The following PSPH variants were observed in gnomAD, a reference collection of about 807,000 sequenced individuals.
PSPH encodes the protein phosphoserine phosphatase.
In PSPH, 16 loss-of-function variants were observed where a neutral mutation model predicts 23.4. That is an observed-to-expected ratio of 0.68 (90% CI 0.46 to 1.04). PSPH has a LOEUF of 1.04. PSPH is among the 50% of genes least tolerant of loss of function. The pLI, the probability that PSPH is intolerant of heterozygous loss-of-function variation, is 0.00. For synonymous variants in PSPH, 68 were observed against 99.7 expected (o/e 0.68, Z 1.89); for missense variants, 223 against 273.7 (o/e 0.81, Z 1.31).
intron 1 of PSPH, among the ~76,000 whole-genome samples, chr7:56,043,479 C>T (rs962078837): frequency 6.6e-6 from 1 of 151,576 alleles, no homozygotes; most frequent in African/African-American, 2.4e-5. Flanking sequence ...AGAGTAAGAC[C>T]CCATATCTCT....
At chr7:56,025,362 C>T (rs941808115) in intron 3 of PSPH, among the ~76,000 whole-genome samples, 1 of 151,878 alleles carries the variant, frequency 6.6e-6, no homozygotes, top group Non-Finnish European at 1.5e-5. Flanking sequence ...ACTGCAACCT[C>T]TGCCTCCCTG....
rs1343015457 is a variant in PSPH, at chr7:56,032,042, C to T, written c.-133G>A. Reference sequence around the variant, plus strand: ...CCTCAAGAAAGACCTGTGGATTCTGCAAGAGCAAGAGCCTAGAAAGAGAGA... The same window carrying T: ...CCTCAAGAAAGACCTGTGGATTCTGTAAGAGCAAGAGCCTAGAAAGAGAGA... On this transcript the variant is annotated 5_prime_UTR_variant, in exon 3 of 8. Coordinates refer to ENST00000275605, the MANE Select transcript of PSPH (RefSeq NM_004577.4). 6.5e-6 allele frequency: 1 copy of T among 152,896 alleles called. No homozygotes were observed. Among genetic ancestry groups the T allele is most frequent in the Non-Finnish European group, 1.5e-5 (1 of 68,046 alleles). The allele number at this position is 152,896 out of a possible 1,614,324, so 9.5% of individuals were successfully genotyped here. A position where few individuals can be genotyped will look rare whatever the true frequency, so the allele number is the denominator to read the frequency against.
chr7:56,028,129 T>C (rs190483301), intron 3 of PSPH, among the ~76,000 whole-genome samples: 1 of 152,188 alleles, frequency 6.6e-6, no homozygotes, highest in African/African-American at 2.4e-5. Context: ...AGAACTGATT[T>C]ACACATCCCC....
intron 7 of PSPH, 32 bp from the exon 8 acceptor site, chr7:56,011,901 T>G: frequency 6.7e-7 from 1 of 1,499,922 alleles, no homozygotes; most frequent in East Asian, 2.4e-5. Flanking sequence ...AGAAATGATT[T>G]TTATTTTTAT....
At chr7:56,025,411 G>C (rs569146645) in intron 3 of PSPH, among the ~76,000 whole-genome samples, 5 of 151,812 alleles carry the variant, frequency 3.3e-5, no homozygotes, top group Admixed American at 2.0e-4. Flanking sequence ...AGGCAGGCAT[G>C]ATATCTGGCT....
chr7:56,037,524 T>C (rs1280565292), intron 1 of PSPH, among the ~76,000 whole-genome samples: 1 of 151,226 alleles, frequency 6.6e-6, no homozygotes, highest in Admixed American at 6.6e-5. Context: ...GCTCAAGCAA[T>C]CTTCCTGCCT....
chr7:56,020,653 G>A (rs960507633), intron 4 of PSPH, among the ~76,000 whole-genome samples: 41 of 151,842 alleles, frequency 2.7e-4, no homozygotes, highest in African/African-American at 9.4e-4. Flanking sequence ...ATGACATGGT[G>A]CATGACTGGG....
chr7:56,050,101 CT>C (rs540523927), intron 1 of PSPH, among the ~76,000 whole-genome samples: 63 of 152,222 alleles, frequency 4.1e-4, no homozygotes, highest in African/African-American at 1.4e-3. Context: ...GCCTATGGAA[CT>C]AATAACTAGT....
intron 3 of PSPH, among the ~76,000 whole-genome samples, chr7:56,029,639 T>C (rs1231878130): frequency 2.6e-5 from 4 of 152,156 alleles, no homozygotes; most frequent in African/African-American, 9.7e-5. Context: ...AGAAATGCTT[T>C]CCCAACTTCT....
chr7:56,050,160 T>C (rs1211872953), intron 1 of PSPH, among the ~76,000 whole-genome samples: 4 of 152,184 alleles, frequency 2.6e-5, no homozygotes, highest in Non-Finnish European at 5.9e-5. Context: ...GTTTTTGTGA[T>C]TCTCAAATAC....
At chr7:56,025,996 C>A (rs1369087316) in intron 3 of PSPH, among the ~76,000 whole-genome samples, 3 of 152,174 alleles carry the variant, frequency 2.0e-5, no homozygotes, top group African/African-American at 7.2e-5. Context: ...TACTTCTTCA[C>A]CGTGCAGATC....
chr7:56,036,688 C>A (rs959787008), intron 1 of PSPH, among the ~76,000 whole-genome samples: 23 of 152,198 alleles, frequency 1.5e-4, no homozygotes, highest in African/African-American at 5.5e-4. Flanking sequence ...CTGGAATCCA[C>A]CTCATACTCA....
chr7:56,048,499 C>T (rs1793547749), intron 1 of PSPH, among the ~76,000 whole-genome samples: 1 of 152,120 alleles, frequency 6.6e-6, no homozygotes, highest in Non-Finnish European at 1.5e-5. Flanking sequence ...AGATTCATGA[C>T]ATAATTAGCA....
At chr7:56,050,235 C>A (rs1246753621) in intron 1 of PSPH, among the ~76,000 whole-genome samples, 1 of 152,074 alleles carries the variant, frequency 6.6e-6, no homozygotes, top group Non-Finnish European at 1.5e-5. Flanking sequence ...AGACTGTGAA[C>A]AACTTAAACA....
At chr7:56,038,709 C>T (rs1792066502) in intron 1 of PSPH, among the ~76,000 whole-genome samples, 1 of 151,058 alleles carries the variant, frequency 6.6e-6, no homozygotes, top group African/African-American at 2.4e-5. Flanking sequence ...GCACACACCT[C>T]GAGGCACACA....
chr7:56,045,758 T>C (rs1793142482), intron 1 of PSPH, among the ~76,000 whole-genome samples: 1 of 151,528 alleles, frequency 6.6e-6, no homozygotes, highest in African/African-American at 2.4e-5. Context: ...TGGTGGTGCA[T>C]GCCTATAGTC....
At chr7:56,030,670 G>A (rs1017069798) in intron 3 of PSPH, among the ~76,000 whole-genome samples, 3 of 151,828 alleles carry the variant, frequency 2.0e-5, no homozygotes, top group Non-Finnish European at 2.9e-5. Context: ...AGGCCAAGGC[G>A]GGCAACTCAC....
At chr7:56,044,528 T>C (rs956983490) in intron 1 of PSPH, among the ~76,000 whole-genome samples, 6 of 151,780 alleles carry the variant, frequency 4.0e-5, no homozygotes, top group Non-Finnish European at 8.8e-5. Flanking sequence ...TAACCGAGAG[T>C]TAAAAGATTA....
rs141957953 is a variant in PSPH, at chr7:56,046,970, C to T, written c.-292+4168G>A. Among the ~76,000 whole-genome samples the T allele has an allele frequency of 2.6e-3, 394 of 152,158 alleles. 3 individuals carry two copies. Among genetic ancestry groups the T allele is most frequent in the African/African-American group, 8.7e-3 (360 of 41,536 alleles). ...TGTATAAACAACCCTGAGAAAAGCC[C>T]CAGATAAAGAGCATTCTTGGGCCTT... On this transcript the variant is annotated intron_variant, in intron 1 of 7. Coordinates refer to ENST00000275605, the MANE Select transcript of PSPH (RefSeq NM_004577.4).
Sources: gnomAD v4.1 joint callset for allele counts (sites outside exome capture counted in the v4.1 genomes callset) on GRCh38, gnomAD v4.1.1 for gene constraint, MANE v1.5 for transcripts, NCBI Gene and HGNC (gene_info 2026-07-23, HGNC 2026-07-21) for gene names.